Variants in XKR9 observed in about 807,000 individuals in gnomAD.
XKR9 encodes XK related 9, also known as XK-related protein 9.
In XKR9, 32 loss-of-function variants were observed where a neutral mutation model predicts 32.0. The observed-to-expected ratio is 1.00, with a 90% CI of 0.76 to 1.34. The LOEUF (loss-of-function observed/expected upper bound fraction) is 1.34. XKR9 is among the 40% of genes most tolerant of loss of function. The probability of loss-of-function intolerance (pLI) is 0.00; values close to 1 mark genes in which losing one functional copy is unlikely to be tolerated. For missense variants in XKR9, 546 were observed against 429.7 expected, an observed-to-expected ratio of 1.27 and a Z score of -2.39; for synonymous variants, 168 against 143.4, an observed-to-expected ratio of 1.17 and a Z score of -1.22.
chr8:70,747,624 A>G (rs905833738), intron 2 of XKR9, among the ~76,000 whole-genome samples: 3 of 152,174 alleles, frequency 2.0e-5, no homozygotes, highest in African/African-American at 7.2e-5. Flanking sequence ...TAAGAAACAC[A>G]TTTGTTTCTT....
the XKR9 span, among the ~76,000 whole-genome samples, chr8:70,817,563 A>G: frequency 6.6e-6 from 1 of 152,148 alleles, no homozygotes; most frequent in African/African-American, 2.4e-5. Context: ...AAAGCAATCT[A>G]TAGATTCAAC....
At chr8:70,978,369 G>A in the XKR9 span, among the ~76,000 whole-genome samples, 1 of 152,166 alleles carries the variant, frequency 6.6e-6, no homozygotes, top group South Asian at 2.1e-4. Flanking sequence ...GGAGTGGCTG[G>A]TACTAGTTTT....
At chr8:70,942,260 A>G in the XKR9 span, among the ~76,000 whole-genome samples, 3 of 152,176 alleles carry the variant, frequency 2.0e-5, no homozygotes, top group Admixed American at 1.3e-4. Flanking sequence ...CTGGGAACAC[A>G]TCACCCTGCA....
At chr8:70,810,839 TG>T in the XKR9 span, among the ~76,000 whole-genome samples, 2 of 152,156 alleles carry the variant, frequency 1.3e-5, no homozygotes, top group Non-Finnish European at 2.9e-5. Context: ...ACAATAATAA[TG>T]GGAGACTTTA....
chr8:71,022,673 T>C, the XKR9 span, among the ~76,000 whole-genome samples: 28 of 152,202 alleles, frequency 1.8e-4, no homozygotes, highest in African/African-American at 6.5e-4. Flanking sequence ...TTGCTAGACT[T>C]GGGAAGTTTT....
At chr8:71,012,162 C>T in the XKR9 span, among the ~76,000 whole-genome samples, 3 of 152,294 alleles carry the variant, frequency 2.0e-5, no homozygotes, top group East Asian at 5.8e-4. Context: ...TGAATCCTGT[C>T]TTCGAGGACT....
At chr8:71,046,008 A>C in the XKR9 span, among the ~76,000 whole-genome samples, 6 of 152,128 alleles carry the variant, frequency 3.9e-5, no homozygotes, top group Non-Finnish European at 8.8e-5. Flanking sequence ...GAGGGAGAGA[A>C]GAGCATAAAA....
At chr8:70,758,945 G>A (rs768887312) in intron 2 of XKR9, among the ~76,000 whole-genome samples, 6 of 152,162 alleles carry the variant, frequency 3.9e-5, no homozygotes, top group East Asian at 1.9e-4. Context: ...ACTTGTGACC[G>A]TTTAGGATGA....
chr8:70,740,495 G>T (rs543143916), downstream of XKR9, among the ~76,000 whole-genome samples: 1 of 152,188 alleles, frequency 6.6e-6, no homozygotes, highest in Non-Finnish European at 1.5e-5. Flanking sequence ...GTCCAGCTTT[G>T]TTCTGTTGCT....
At chr8:70,684,537 A>C (rs990162034) in intron 3 of XKR9, among the ~76,000 whole-genome samples, 1 of 150,396 alleles carries the variant, frequency 6.6e-6, no homozygotes, top group Admixed American at 6.7e-5. Context: ...TGGATCAATT[A>C]AAATTAAGAT....
the XKR9 span, among the ~76,000 whole-genome samples, chr8:70,990,465 A>G: frequency 6.6e-6 from 1 of 152,208 alleles, no homozygotes; most frequent in African/African-American, 2.4e-5. Context: ...AAGAATTTAT[A>G]TCTTTTGAAA....
the XKR9 span, among the ~76,000 whole-genome samples, chr8:70,958,251 C>T: frequency 6.6e-6 from 1 of 152,174 alleles, no homozygotes; most frequent in Non-Finnish European, 1.5e-5. Context: ...GGTATTTCTG[C>T]CTCTCAATCT....
the XKR9 span, among the ~76,000 whole-genome samples, chr8:70,970,935 C>T: frequency 1.6e-4 from 25 of 152,238 alleles, no homozygotes; most frequent in South Asian, 3.1e-3. Flanking sequence ...ACCATTTGAC[C>T]GAGCAATCCC....
At position 70,733,989 on chromosome 8, in the gene XKR9, G is replaced by T; in HGVS notation, c.687G>T (p.Lys229Asn). 1 of 1,612,124 alleles carries T rather than the reference G, an allele frequency of 6.2e-7. No homozygotes were observed. The highest frequency in any genetic ancestry group is 8.5e-7 in the Non-Finnish European group (1 of 1,179,492). The change falls in exon 5 of 5, where the codon AAG (lysine) becomes AAT (asparagine). Residue 229 changes from lysine (K) to asparagine (N), a missense_variant. Lys to Asn is a moderately conservative substitution (Grantham distance 94). Transcript: ENST00000408926. ...SVVLLLFLNV[K>N]IALFLLLFLW... is the part of the protein sequence containing the mutation. Reference sequence around the variant, plus strand: ...TACTTCTACTATTCTTAAATGTTAAGATTGCTTTATTTCTGTTGTTATTTC... The same window carrying T: ...TACTTCTACTATTCTTAAATGTTAATATTGCTTTATTTCTGTTGTTATTTC...
At chr8:70,872,105 A>G in the XKR9 span, among the ~76,000 whole-genome samples, 2 of 152,220 alleles carry the variant, frequency 1.3e-5, no homozygotes, top group Admixed American at 6.5e-5. Context: ...AGAAACTTCT[A>G]GTTCCATGTT....
Position 70,734,094 on chromosome 8 carries a change from G to T in XKR9, c.792G>T (p.Arg264Ser). Residue 264 changes from arginine (R) to serine (S), a missense_variant, in exon 5 of 5, where the codon AGG becomes AGT. Physicochemically the swap from Arg to Ser is moderately radical, Grantham distance 110. Coordinates refer to ENST00000408926, the MANE Select transcript of XKR9 (RefSeq NM_001011720.2). ...CTCISMEFLY[R>S]IVVGFILIFT... is the part of the protein sequence containing the mutation. ...GTATAAGTATGGAATTCTTATATAGGATTGTTGTTGGATTCATTCTTATCT... is the reference window on the plus strand; with the variant it reads ...GTATAAGTATGGAATTCTTATATAGTATTGTTGTTGGATTCATTCTTATCT... 1 of 1,612,664 alleles carries T rather than the reference G, an allele frequency of 6.2e-7. No homozygotes were observed. The highest frequency in any genetic ancestry group is 1.1e-5 in the South Asian group (1 of 90,982).
the XKR9 span, among the ~76,000 whole-genome samples, chr8:70,906,752 T>C: frequency 6.6e-6 from 1 of 152,238 alleles, no homozygotes; most frequent in East Asian, 1.9e-4. Flanking sequence ...AATGTGTTCC[T>C]TTTATGCAAA....
chr8:70,748,462 G>C (rs899968287), intron 2 of XKR9, among the ~76,000 whole-genome samples: 2 of 152,200 alleles, frequency 1.3e-5, no homozygotes, highest in African/African-American at 2.4e-5. Flanking sequence ...ACCTGGCTGG[G>C]TGTGTGTGCA....
the XKR9 span, among the ~76,000 whole-genome samples, chr8:70,933,153 C>T: frequency 6.6e-6 from 1 of 152,064 alleles, no homozygotes. Flanking sequence ...AAATGAGGGG[C>T]TCCTCTATTA....
Sources: gnomAD v4.1 joint callset for allele counts (sites outside exome capture counted in the v4.1 genomes callset) on GRCh38, gnomAD v4.1.1 for gene constraint, MANE v1.5 for transcripts, NCBI Gene and HGNC (gene_info 2026-07-23, HGNC 2026-07-21) for gene names.